Variants in NDUFA5 observed in about 807,000 individuals in gnomAD.
NDUFA5 encodes NADH:ubiquinone oxidoreductase subunit A5, also known as NADH dehydrogenase [ubiquinone] 1 alpha subcomplex subunit 5.
A neutral mutation model predicts 19.8 loss-of-function variants in NDUFA5; 11 were observed. The ratio of observed to expected loss-of-function variants is 0.56; its 90% CI spans 0.35 to 0.92. NDUFA5 has a LOEUF of 0.92. NDUFA5 is among the 40% of genes least tolerant of loss of function. The pLI, the probability that NDUFA5 is intolerant of heterozygous loss-of-function variation, is 0.01. For synonymous variants in NDUFA5, 47 were observed against 46.8 expected (o/e 1.00, Z -0.01); for missense variants, 109 against 134.2 (o/e 0.81, Z 0.93).
the NDUFA5 span, among the ~76,000 whole-genome samples, chr7:123,584,567 T>G: frequency 2.0e-5 from 3 of 151,918 alleles, no homozygotes; most frequent in African/African-American, 7.2e-5. Flanking sequence ...TAATATTTCT[T>G]ATAAGGTTTT....
At chr7:123,590,002 G>T in the NDUFA5 span, among the ~76,000 whole-genome samples, 1 of 152,090 alleles carries the variant, frequency 6.6e-6, no homozygotes, top group Non-Finnish European at 1.5e-5. Context: ...AATTTTTAAT[G>T]ATTGTCATTC....
chr7:123,549,799 A>C (rs951245621), intron 3 of NDUFA5, among the ~76,000 whole-genome samples: 2 of 152,204 alleles, frequency 1.3e-5, no homozygotes, highest in African/African-American at 4.8e-5. Flanking sequence ...AAAATACGAT[A>C]TAATACAAAC....
chr7:123,557,559 G>GCTA, intron 1 of NDUFA5, 111 bp from the exon 2 acceptor site: 1 of 1,611,738 alleles, frequency 6.2e-7, no homozygotes. Flanking sequence ...TCTAAAGCCA[G>GCTA]CTACTGGTCT....
At chr7:123,594,883 G>GC in the NDUFA5 span, among the ~76,000 whole-genome samples, 2 of 152,208 alleles carry the variant, frequency 1.3e-5, no homozygotes, top group Non-Finnish European at 2.9e-5. Context: ...GATAGGCCCT[G>GC]CCCCCAGAGG....
At chr7:123,589,303 T>C in the NDUFA5 span, among the ~76,000 whole-genome samples, 1 of 140,488 alleles carries the variant, frequency 7.1e-6, no homozygotes, top group African/African-American at 3.0e-5. Flanking sequence ...TTCATCTCTT[T>C]ATTATTATTA....
the NDUFA5 span, among the ~76,000 whole-genome samples, chr7:123,586,915 G>C: frequency 4.6e-5 from 7 of 151,478 alleles, no homozygotes; most frequent in Non-Finnish European, 8.9e-5. Flanking sequence ...CTGTTTTTAT[G>C]AAAGTACTAT....
chr7:123,593,818 G>C, the NDUFA5 span, among the ~76,000 whole-genome samples: 4 of 152,126 alleles, frequency 2.6e-5, no homozygotes, highest in Non-Finnish European at 5.9e-5. Flanking sequence ...GAATTTGAAA[G>C]TTGGCCTGCC....
the NDUFA5 span, among the ~76,000 whole-genome samples, chr7:123,580,771 C>G: frequency 1.3e-5 from 2 of 151,898 alleles, no homozygotes; most frequent in Non-Finnish European, 2.9e-5. Flanking sequence ...TACCTGGAAG[C>G]CCTGAGATAA....
At chr7:123,550,042 CTT>C in intron 3 of NDUFA5, 1 of 89,824 alleles carries the variant, frequency 1.1e-5, no homozygotes, top group Non-Finnish European at 2.7e-5. Flanking sequence ...GCAGTCTAGA[CTT>C]TTATTAACTG....
At chr7:123,589,940 T>G in the NDUFA5 span, among the ~76,000 whole-genome samples, 1 of 152,292 alleles carries the variant, frequency 6.6e-6, no homozygotes, top group East Asian at 1.9e-4. Flanking sequence ...CCACCAACAG[T>G]GTAAAAGCGT....
At chr7:123,563,921 G>A in the NDUFA5 span, among the ~76,000 whole-genome samples, 1 of 152,090 alleles carries the variant, frequency 6.6e-6, no homozygotes, top group Non-Finnish European at 1.5e-5. Flanking sequence ...GCAGGACTGT[G>A]AGCAGTATGA....
At chr7:123,600,240 T>C in the NDUFA5 span, among the ~76,000 whole-genome samples, 3 of 152,182 alleles carry the variant, frequency 2.0e-5, no homozygotes, top group Non-Finnish European at 4.4e-5. Flanking sequence ...GGACTATGTC[T>C]TCAGTAACAG....
the NDUFA5 span, among the ~76,000 whole-genome samples, chr7:123,571,440 C>T: frequency 6.6e-6 from 1 of 151,990 alleles, no homozygotes; most frequent in Admixed American, 6.6e-5. Context: ...CATTAATCAC[C>T]CTGTGAAAGT....
At chr7:123,597,917 C>CGTGTGTGTGTGTATGTGT in the NDUFA5 span, among the ~76,000 whole-genome samples, 618 of 133,062 alleles carry the variant, frequency 4.6e-3, 4 homozygotes, top group African/African-American at 0.014. Flanking sequence ...TTTCAAACTT[C>CGTGTGTGTGTGTATGTGT]GTGTGTGTGT....
At chr7:123,578,945 C>T in the NDUFA5 span, among the ~76,000 whole-genome samples, 1 of 151,886 alleles carries the variant, frequency 6.6e-6, no homozygotes, top group South Asian at 2.1e-4. Context: ...GGTACATATG[C>T]AGGTTTGTTA....
chr7:123,572,099 T>G, the NDUFA5 span, among the ~76,000 whole-genome samples: 2 of 151,354 alleles, frequency 1.3e-5, no homozygotes, highest in Non-Finnish European at 2.9e-5. Flanking sequence ...GTTGTCTTGT[T>G]TTACAGTGAT....
In NDUFA5 at chr7:123,556,599, A is replaced by AGGAG. The variant is rs1798551953; in HGVS notation, c.66+804_66+805insCTCC. 32 of 250,872 alleles carry AGGAG rather than the reference A, an allele frequency of 1.3e-4. No individual in the cohort carries two copies. In the South Asian group the frequency reaches 1.3e-3, roughly 10 times the overall value. 15.5% of individuals were successfully genotyped at this position (250,872 alleles called of 1,614,324 possible). A position where few individuals can be genotyped will look rare whatever the true frequency, so the allele number is the denominator to read the frequency against. On this transcript the variant is annotated intron_variant, in intron 2 of 4. Transcript: ENST00000355749. ...GAAAGCGCATGATGGAAAAAGTGTCAAATGTGTCAAAAAAAAAAAAACGCT... is the reference window on the plus strand; with the variant it reads ...GAAAGCGCATGATGGAAAAAGTGTCAGGAGAATGTGTCAAAAAAAAAAAAACGCT...
chr7:123,573,183 C>T, the NDUFA5 span, among the ~76,000 whole-genome samples: 40 of 152,002 alleles, frequency 2.6e-4, no homozygotes, highest in Admixed American at 2.5e-3. Context: ...ATTTTTCTCC[C>T]CACAGGCAAG....
the NDUFA5 span, chr7:123,596,360 C>T: frequency 6.6e-6 from 1 of 151,926 alleles, no homozygotes; most frequent in East Asian, 1.9e-4. Flanking sequence ...ACCTGTGATC[C>T]CAACACTTTG....
Sources: gnomAD v4.1 joint callset for allele counts (sites outside exome capture counted in the v4.1 genomes callset) on GRCh38, gnomAD v4.1.1 for gene constraint, MANE v1.5 for transcripts, NCBI Gene and HGNC (gene_info 2026-07-23, HGNC 2026-07-21) for gene names.